The following CRISPLD2 variants were observed in gnomAD, a reference collection of about 807,000 sequenced individuals.
CRISPLD2 encodes the protein cysteine rich secretory protein LCCL domain containing 2.
CRISPLD2 carries 47 observed loss-of-function variants against 71.1 expected under a neutral mutation model. The ratio of observed to expected loss-of-function variants is 0.66; its 90% CI spans 0.52 to 0.84. The LOEUF (loss-of-function observed/expected upper bound fraction) is 0.84. CRISPLD2 is among the 40% of genes least tolerant of loss of function. The probability of loss-of-function intolerance (pLI) is 0.00; values close to 1 mark genes in which losing one functional copy is unlikely to be tolerated. For missense variants in CRISPLD2, 830 were observed against 651.1 expected, an observed-to-expected ratio of 1.27 and a Z score of -2.99; for synonymous variants, 317 against 250.1, an observed-to-expected ratio of 1.27 and a Z score of -2.52.
intron 2 of CRISPLD2, among the ~76,000 whole-genome samples, chr16:84,842,535 G>A (rs567221683): frequency 6.6e-6 from 1 of 151,630 alleles, no homozygotes. Context: ...CAGCACACCC[G>A]GCTAATTTTT....
chr16:84,880,162 C>T (rs1357213921), intron 12 of CRISPLD2, among the ~76,000 whole-genome samples: 1 of 152,236 alleles, frequency 6.6e-6, no homozygotes, highest in Non-Finnish European at 1.5e-5. Context: ...AATGTACCCA[C>T]AGTGTGAACT....
chr16:84,886,102 C>G (rs2071610743), intron 13 of CRISPLD2, among the ~76,000 whole-genome samples: 1 of 152,160 alleles, frequency 6.6e-6, no homozygotes. Context: ...GTTGGTCAGG[C>G]TGATCTCAAA....
At chr16:84,836,569 G>A (rs918244280) in intron 1 of CRISPLD2, 17 of 152,208 alleles carry the variant, frequency 1.1e-4, no homozygotes, top group Admixed American at 1.1e-3. Context: ...CGCAGGCTCA[G>A]TCAGGACCCT....
At chr16:84,830,203 T>G (rs996080015) in intron 1 of CRISPLD2, among the ~76,000 whole-genome samples, 1 of 152,188 alleles carries the variant, frequency 6.6e-6, no homozygotes, top group African/African-American at 2.4e-5. Flanking sequence ...ACACCTGTAG[T>G]CCCAGCAACT....
chr16:84,888,679 G>C (rs532085232), intron 13 of CRISPLD2, among the ~76,000 whole-genome samples: 1 of 152,164 alleles, frequency 6.6e-6, no homozygotes, highest in Non-Finnish European at 1.5e-5. Context: ...TCTGTTTCTT[G>C]GATATGATGA....
chr16:84,874,056 T>C, intron 11 of CRISPLD2, 93 bp downstream of exon 11: 2 of 1,137,374 alleles, frequency 1.8e-6, no homozygotes, highest in Non-Finnish European at 2.6e-6. Flanking sequence ...ATTTAATGTT[T>C]ATCATGCGTG....
chr16:84,889,739 C>T (rs80049340), intron 14 of CRISPLD2, among the ~76,000 whole-genome samples: 6,816 of 145,616 alleles, frequency 0.047, 245 homozygotes, highest in East Asian at 0.22. Context: ...TGCGTCCTTC[C>T]GGTTGTTTTT....
Position 84,838,814 on chromosome 16 carries a change from C to A in CRISPLD2, c.240+79C>A, listed in dbSNP as rs542214280. On this transcript the variant is annotated intron_variant, in intron 2 of 14. Transcript: ENST00000262424. The stretch of plus-strand genomic sequence containing the variant: ...CCAGCCTGCTCTGTTCCCCAGCCAG[C>A]TCTGTTCCCCAGCCAGTGCGTGTGA... 4,051 of 1,526,902 alleles carry A rather than the reference C, an allele frequency of 2.7e-3. 12 individuals are homozygous for A. The highest frequency in any genetic ancestry group is 7.0e-3 in the Middle Eastern group (38 of 5,458). The allele number at this position is 1,526,902 out of a possible 1,614,324, so 94.6% of individuals were successfully genotyped here. A position where few individuals can be genotyped will look rare whatever the true frequency, so the allele number is the denominator to read the frequency against.
intron 14 of CRISPLD2, among the ~76,000 whole-genome samples, chr16:84,895,225 G>C (rs569884362): frequency 1.3e-5 from 2 of 152,290 alleles, no homozygotes; most frequent in South Asian, 4.1e-4. Flanking sequence ...AGGTCACCCA[G>C]CCTACCAGGG....
At chr16:84,850,513 T>C in intron 4 of CRISPLD2, 55 bp from the exon 5 acceptor site, 2 of 1,474,700 alleles carry the variant, frequency 1.4e-6, no homozygotes, top group African/African-American at 1.4e-5. Flanking sequence ...CCAAATGATA[T>C]CACCCTTTTG....
intron 1 of CRISPLD2, among the ~76,000 whole-genome samples, chr16:84,823,170 T>C (rs1224687839): frequency 6.6e-6 from 1 of 152,268 alleles, no homozygotes; most frequent in African/African-American, 2.4e-5. Context: ...TTCATCCATG[T>C]TGTAATGTGT....
intron 6 of CRISPLD2, among the ~76,000 whole-genome samples, chr16:84,862,489 C>T (rs1436531475): frequency 2.0e-5 from 3 of 152,104 alleles, no homozygotes; most frequent in Non-Finnish European, 1.5e-5. Flanking sequence ...CCATCATGCC[C>T]GCCCACCATT....
intron 3 of CRISPLD2, 100 bp downstream of exon 3, chr16:84,846,004 TGAGA>T: frequency 8.5e-6 from 6 of 703,120 alleles, no homozygotes; most frequent in Non-Finnish European, 1.5e-5. Flanking sequence ...GCAAAGAGAG[TGAGA>T]GAGACCACCC....
Position 84,831,965 on chromosome 16 carries a change from C to T in CRISPLD2, c.-74-6457C>T, listed in dbSNP as rs1442632758. Among the ~76,000 whole-genome samples the T allele has an allele frequency of 3.3e-5, 5 of 152,240 alleles. No homozygotes were observed. The East Asian group carries it at 7.7e-4, about 23-fold the overall frequency. On this transcript the variant is annotated intron_variant, in intron 1 of 14. Transcript: ENST00000262424. ...GGCCAGGCTGCTCTTGATCTCCTGA[C>T]CTCAGGTGATCCACCCACCTTGGCC...
intron 1 of CRISPLD2, among the ~76,000 whole-genome samples, chr16:84,827,968 G>A (rs777470048): frequency 6.6e-6 from 1 of 152,112 alleles, no homozygotes; most frequent in African/African-American, 2.4e-5. Context: ...CCGTGTGTCC[G>A]GGATGTCCTG....
rs2071558589 is a variant in CRISPLD2, at chr16:84,880,511, T to A, written c.1232T>A (p.Ile411Asn). 1 of 1,610,950 alleles carries A rather than the reference T, an allele frequency of 6.2e-7. No individual in the cohort carries two copies. Residue 411 changes from isoleucine to asparagine, a missense_variant and splice_region_variant, in exon 13 of 15, where the codon ATC becomes AAC. By Grantham distance (149) the Ile-to-Asn change is moderately radical. Coordinates refer to ENST00000262424, the MANE Select transcript of CRISPLD2 (RefSeq NM_031476.4). ...CATAAATGCTTCCTGTTTTTCAGAA[T>A]CCATTGTCCGGCACACTGCAAAGAC... ...FEKPATHCPRIHCPAHCKDEP... is the reference protein window; with the variant it reads ...FEKPATHCPRNHCPAHCKDEP...
At chr16:84,849,551 C>T (rs1306691704) in intron 4 of CRISPLD2, 34 bp downstream of exon 4, 3 of 1,601,494 alleles carry the variant, frequency 1.9e-6, no homozygotes, top group South Asian at 1.1e-5. Flanking sequence ...CTCAGCCCTG[C>T]CCCCCAATCC....
chr16:84,872,886 C>G (rs760826398), intron 9 of CRISPLD2, 106 bp from the exon 10 acceptor site: 67 of 1,403,322 alleles, frequency 4.8e-5, no homozygotes, highest in African/African-American at 3.2e-4. Context: ...TTTGGCCTGT[C>G]CTTCAGGCTT....
chr16:84,833,813 T>A (rs1490143244), intron 1 of CRISPLD2, among the ~76,000 whole-genome samples: 1 of 152,112 alleles, frequency 6.6e-6, no homozygotes, highest in Non-Finnish European at 1.5e-5. Flanking sequence ...TGCCTTCTCA[T>A]CAACAGAGGC....
Sources: allele counts gnomAD v4.1 joint callset (sites outside exome capture counted in the v4.1 genomes callset), GRCh38; gene constraint gnomAD v4.1.1; transcripts MANE v1.5; gene names NCBI Gene and HGNC (gene_info 2026-07-23, HGNC 2026-07-21).